The following GPM6B variants were observed in gnomAD, a reference collection of about 807,000 sequenced individuals.
GPM6B encodes glycoprotein M6B, also known as neuronal membrane glycoprotein M6-b.
GPM6B carries 4 observed loss-of-function variants against 27.2 expected under a neutral mutation model. The ratio of observed to expected loss-of-function variants is 0.15; its 90% CI spans 0.07 to 0.34. The LOEUF (loss-of-function observed/expected upper bound fraction) is 0.34. GPM6B is among the 10% of genes least tolerant of loss of function. The probability of loss-of-function intolerance (pLI) is 1.00; values close to 1 mark genes in which losing one functional copy is unlikely to be tolerated. For synonymous variants in GPM6B, 124 were observed against 103.1 expected (o/e 1.20, Z -1.23); for missense variants, 183 against 261.9 (o/e 0.70, Z 2.08).
At chrX:13,780,522 T>C (rs993433491) in intron 4 of GPM6B, among the ~76,000 whole-genome samples, 7 of 112,389 alleles carry the variant, frequency 6.2e-5, no homozygotes, top group African/African-American at 2.3e-4. Flanking sequence ...ACTTTGCTAG[T>C]TTCCTGATTC....
upstream of GPM6B, among the ~76,000 whole-genome samples, chrX:13,818,487 T>G (rs1254661618): frequency 8.9e-6 from 1 of 112,613 alleles, no homozygotes; most frequent in African/African-American, 3.2e-5. Context: ...CTTCTTATAT[T>G]TAGAACTTCT....
Position 13,771,933 on chromosome X carries a change from A to G in GPM6B, c.*948T>C, listed in dbSNP as rs1319585889. On this transcript the variant is annotated 3_prime_UTR_variant, in exon 8 of 8. Coordinates refer to ENST00000316715, the MANE Select transcript of GPM6B (RefSeq NM_001001995.3). ...TGGTCAATTTGCAATTAGGTTTTAG[A>G]TAGTTGGTATGAAACTGTAAACTTC... 8.9e-6 allele frequency: 1 copy of G among 112,623 alleles called. No individual in the cohort carries two copies. Among genetic ancestry groups the G allele is most frequent in the African/African-American group, 3.2e-5 (1 of 30,937 alleles). The allele number at this position is 112,623 out of a possible 1,213,427, so 9.3% of individuals were successfully genotyped here.
At chrX:13,797,549 TC>T (rs2048839673) in intron 2 of GPM6B, among the ~76,000 whole-genome samples, 1 of 109,787 alleles carries the variant, frequency 9.1e-6, no homozygotes, top group African/African-American at 3.3e-5. Flanking sequence ...GGAAGGTAGG[TC>T]CCCCCATTGC....
chrX:13,880,129 G>T (rs919420340), intron 1 of GPM6B, among the ~76,000 whole-genome samples: 1 of 111,871 alleles, frequency 8.9e-6, no homozygotes, highest in East Asian at 2.8e-4. Context: ...GAATGTGCGA[G>T]CATGTGCATG....
At chrX:13,889,746 C>G (rs2050171637) in intron 1 of GPM6B, 1 of 79,870 alleles carries the variant, frequency 1.3e-5, no homozygotes, top group Non-Finnish European at 2.2e-5. Context: ...CCACCCATTT[C>G]CAGAACTTTT....
chrX:13,791,467 T>C (rs2048711910), intron 2 of GPM6B, among the ~76,000 whole-genome samples: 1 of 112,037 alleles, frequency 8.9e-6, no homozygotes, highest in African/African-American at 3.2e-5. Context: ...TAATTCTCAA[T>C]ACCTCTCACC....
intron 1 of GPM6B, among the ~76,000 whole-genome samples, chrX:13,917,491 G>A (rs1404377729): frequency 8.9e-6 from 1 of 111,940 alleles, no homozygotes; most frequent in Non-Finnish European, 1.9e-5. Context: ...TCAAGTAAGC[G>A]CAGCCTGCCA....
At chrX:13,789,832 CT>C (rs1374685124) in intron 2 of GPM6B, among the ~76,000 whole-genome samples, 1 of 110,132 alleles carries the variant, frequency 9.1e-6, no homozygotes, top group Admixed American at 9.5e-5. Flanking sequence ...TGGGAAGCCA[CT>C]GCGTTTTTTT....
At chrX:13,791,126 C>T (rs1031846670) in intron 2 of GPM6B, among the ~76,000 whole-genome samples, 6 of 111,584 alleles carry the variant, frequency 5.4e-5, no homozygotes, top group African/African-American at 2.0e-4. Flanking sequence ...CATTGGGTAA[C>T]GTGAACGAGA....
At chrX:13,859,475 T>C (rs770266520) in intron 1 of GPM6B, among the ~76,000 whole-genome samples, 24 of 111,837 alleles carry the variant, frequency 2.1e-4, no homozygotes, top group Non-Finnish European at 3.8e-4. Context: ...TATTTACCAG[T>C]TGAAGGACAT....
intron 2 of GPM6B, among the ~76,000 whole-genome samples, chrX:13,806,486 C>G (rs751941131): frequency 8.9e-6 from 1 of 111,837 alleles, no homozygotes; most frequent in Non-Finnish European, 1.9e-5. Context: ...CTCATGCTCA[C>G]CCTATTTAGC....
chrX:13,815,564 G>A (rs1450586156), intron 1 of GPM6B, among the ~76,000 whole-genome samples: 1 of 111,092 alleles, frequency 9.0e-6, no homozygotes. Flanking sequence ...AAATTAAGGT[G>A]CTATGTACTT....
At chrX:13,915,882 C>G (rs1254817553) in intron 1 of GPM6B, among the ~76,000 whole-genome samples, 2 of 112,007 alleles carry the variant, frequency 1.8e-5, no homozygotes, top group Non-Finnish European at 3.8e-5. Flanking sequence ...TATACACATT[C>G]TGATTTCTGT....
intron 5 of GPM6B, among the ~76,000 whole-genome samples, chrX:13,779,223 C>G (rs2048470930): frequency 8.9e-6 from 1 of 111,939 alleles, no homozygotes; most frequent in Admixed American, 9.5e-5. Flanking sequence ...AATGAACCAA[C>G]CTTAGATCCC....
intron 1 of GPM6B, among the ~76,000 whole-genome samples, chrX:13,852,649 T>G (rs1438118303): frequency 9.0e-6 from 1 of 111,719 alleles, no homozygotes; most frequent in Non-Finnish European, 1.9e-5. Context: ...CTTCGTTCTA[T>G]TCTAGCTGCA....
At chrX:13,866,347 G>C (rs2049918795) in intron 1 of GPM6B, among the ~76,000 whole-genome samples, 1 of 112,436 alleles carries the variant, frequency 8.9e-6, no homozygotes, top group Non-Finnish European at 1.9e-5. Flanking sequence ...TGGGCAACAA[G>C]AGTGAAACTC....
intron 1 of GPM6B, among the ~76,000 whole-genome samples, chrX:13,846,965 C>T (rs1335202482): frequency 1.8e-5 from 2 of 109,917 alleles, no homozygotes; most frequent in Non-Finnish European, 1.9e-5. Flanking sequence ...ATCAACCATA[C>T]CAGTGAAACT....
chrX:13,839,675 G>A (rs1457372455), intron 1 of GPM6B, among the ~76,000 whole-genome samples: 1 of 111,227 alleles, frequency 9.0e-6, no homozygotes, highest in Non-Finnish European at 1.9e-5. Flanking sequence ...CCTGGATCAT[G>A]TCTCAATTTG....
Position 13,845,947 on chromosome X carries a change from G to A in GPM6B, c.-197-60139C>T, listed in dbSNP as rs781103213. On this transcript the variant is annotated intron_variant, in intron 1 of 6. Coordinates refer to the GPM6B transcript ENST00000398361. Reference sequence around the variant, plus strand: ...CACGTAGGAGGTTGTGTCCTACTGAGGATTCTTGCCAGGCCATGAAGGGAC... The same window carrying A: ...CACGTAGGAGGTTGTGTCCTACTGAAGATTCTTGCCAGGCCATGAAGGGAC... Among the ~76,000 whole-genome samples the A allele has an allele frequency of 1.2e-4, 14 of 112,105 alleles. No homozygotes were observed. In the East Asian group the frequency reaches 3.9e-3, roughly 31 times the overall value.
Sources: allele counts gnomAD v4.1 joint callset (sites outside exome capture counted in the v4.1 genomes callset), GRCh38; gene constraint gnomAD v4.1.1; transcripts MANE v1.5; gene names NCBI Gene and HGNC (gene_info 2026-07-23, HGNC 2026-07-21).